Variants in EIF4A3 observed in about 807,000 individuals in gnomAD.
EIF4A3 encodes the protein eukaryotic initiation factor 4A-III.
In EIF4A3, 1 loss-of-function variant was observed where a neutral mutation model predicts 55.6. The observed-to-expected ratio is 0.02, with a 90% confidence interval of 0.01 to 0.09. The LOEUF (loss-of-function observed/expected upper bound fraction) is 0.09, where lower values mean the gene tolerates loss of function less well. Among genes scored for constraint, EIF4A3 ranks in the 10% least tolerant of loss-of-function variants. EIF4A3 has a pLI of 1.00. For synonymous variants in EIF4A3, 194 were observed against 196.3 expected (o/e 0.99, Z 0.10); for missense variants, 221 against 540.7 (o/e 0.41, Z 5.86).
intron 1 of EIF4A3, among the ~76,000 whole-genome samples, chr17:80,144,536 A>G (rs912542299): frequency 3.3e-5 from 5 of 152,106 alleles, no homozygotes; most frequent in Non-Finnish European, 5.9e-5. Context: ...CTGGGTGTGC[A>G]GCATCTGGAA....
chr17:80,143,798 G>A (rs2039637263), intron 2 of EIF4A3, among the ~76,000 whole-genome samples: 1 of 124,436 alleles, frequency 8.0e-6, no homozygotes, highest in East Asian at 2.6e-4. Context: ...GACCAACATG[G>A]TGAAACCCCC....
chr17:80,136,810 GAAA>G (rs3035988), intron 9 of EIF4A3: 4 of 132,632 alleles, frequency 3.0e-5, no homozygotes, highest in Non-Finnish European at 4.7e-5. Flanking sequence ...TACTAAAAAT[GAAA>G]AAAAAAAAAA....
In EIF4A3 at chr17:80,146,177, C is replaced by G. The variant is rs184275888; in HGVS notation, c.169+616G>C. ...GGGACTTCTTTCAGTTCCTGGAATG[C>G]AGCTGGCTAAGGGCTGCAAGGCCCT... On this transcript the variant is annotated intron_variant, in intron 1 of 11. Transcript: ENST00000649764. Among the ~76,000 whole-genome samples, 6 of 152,320 alleles carry G rather than the reference C, an allele frequency of 3.9e-5. No individual in the cohort carries two copies. In the East Asian group the frequency reaches 1.2e-3, roughly 29 times the overall value.
At chr17:80,145,177 TGTCAGCCTCACTGTGAGGCTGCCTGA>T (rs1166373543) in intron 1 of EIF4A3, among the ~76,000 whole-genome samples, 1 of 152,224 alleles carries the variant, frequency 6.6e-6, no homozygotes, top group Non-Finnish European at 1.5e-5. Flanking sequence ...CAGGTGGGGC[TGTCAGCCTCACTGTGAGGCTGCCTGA>T]GATGCTTTTT....
chr17:80,138,226 T>C lies in EIF4A3; in HGVS notation c.783A>G (p.Glu261=). Residue 261 remains glutamate, a synonymous_variant, in exon 8 of 12, where the codon GAA becomes GAG. Coordinates refer to ENST00000649764, the MANE Select transcript of EIF4A3 (RefSeq NM_014740.4). ...CACACAGAGTGTCAAATTTCCACTC[T>C]TCCCTCTCCACTGCCACGAAAAATT... ...IKQFFVAVER[E]EWKFDTLCDL... The C allele has an allele frequency of 6.2e-7, 1 of 1,614,100 alleles. No individual in the cohort carries two copies. Among genetic ancestry groups the C allele is most frequent in the Non-Finnish European group, 8.5e-7 (1 of 1,180,022 alleles).
In EIF4A3 at chr17:80,147,006, TCGCTGC is replaced by T. The variant is rs1399061283; in HGVS notation, c.-51_-46del. 7.0e-7 allele frequency: 1 copy of T among 1,420,146 alleles called. No homozygotes were observed. The highest frequency in any genetic ancestry group is 9.3e-7 in the Non-Finnish European group (1 of 1,075,372). The allele number at this position is 1,420,146 out of a possible 1,614,324, so 88.0% of individuals were successfully genotyped here. A position where few individuals can be genotyped will look rare whatever the true frequency, so the allele number is the denominator to read the frequency against. ...AGCACAGCGCGCGCCGCTGCCGACC[TCGCTGC>T]CGCTGCCGACCTCGCTGTGCCGCTG... On this transcript the variant is annotated 5_prime_UTR_variant, in exon 1 of 12. Coordinates refer to ENST00000649764, the MANE Select transcript of EIF4A3 (RefSeq NM_014740.4).
rs570258154 is a variant in EIF4A3 at position 80,138,986 on chromosome 17, A to G, written c.728+35T>C. On this transcript the variant is annotated intron_variant, in intron 7 of 11. Coordinates refer to ENST00000649764, the MANE Select transcript of EIF4A3 (RefSeq NM_014740.4). ...ATAAAATCCTTTATAAATGCGGCCC[A>G]GTGTTTTAGTAAACTTGACAAGAGG... The G allele has an allele frequency of 1.3e-5, 21 of 1,608,826 alleles. No individual in the cohort carries two copies. The East Asian group carries it at 4.5e-4, about 34-fold the overall frequency.
At chr17:80,141,987 G>A in intron 2 of EIF4A3, 139 bp from the exon 3 acceptor site, 3 of 611,206 alleles carry the variant, frequency 4.9e-6, no homozygotes, top group South Asian at 4.1e-5. Context: ...TAACTGCGAG[G>A]AGGCAGGACT....
chr17:80,144,893 C>T (rs1002246441), intron 1 of EIF4A3, among the ~76,000 whole-genome samples: 4 of 152,174 alleles, frequency 2.6e-5, no homozygotes, highest in Admixed American at 2.0e-4. Flanking sequence ...AAGGGTGAGG[C>T]TATTTTGAAG....
chr17:80,138,364 C>G (rs1194310234), intron 7 of EIF4A3, 84 bp from the exon 8 acceptor site: 1 of 1,554,996 alleles, frequency 6.4e-7, no homozygotes, highest in African/African-American at 1.4e-5. Flanking sequence ...CCAGGGAGAC[C>G]CTGGTGGAAA....
At chr17:80,143,238 C>G (rs1434460161) in intron 2 of EIF4A3, among the ~76,000 whole-genome samples, 1 of 152,060 alleles carries the variant, frequency 6.6e-6, no homozygotes, top group African/African-American at 2.4e-5. Flanking sequence ...ACCACCCGCC[C>G]CTTGGAGGCT....
chr17:80,143,219 C>T (rs1352618251), intron 2 of EIF4A3, among the ~76,000 whole-genome samples: 3 of 152,174 alleles, frequency 2.0e-5, no homozygotes, highest in South Asian at 2.1e-4. Flanking sequence ...AAGGAGGTTC[C>T]GGGAGGTGAC....
At chr17:80,138,095 A>G (rs749139245) in intron 8 of EIF4A3, 47 bp downstream of exon 8, 1 of 1,588,524 alleles carries the variant, frequency 6.3e-7, no homozygotes, top group Non-Finnish European at 8.6e-7. Context: ...CAGAGACTCA[A>G]TCTGCAGTTT....
intron 1 of EIF4A3, among the ~76,000 whole-genome samples, chr17:80,144,497 A>C (rs2039642817): frequency 6.7e-6 from 1 of 149,424 alleles, no homozygotes; most frequent in Non-Finnish European, 1.5e-5. Flanking sequence ...GAATATAGAC[A>C]ACAGTTTTGT....
In EIF4A3 at chr17:80,141,244, A is replaced by G. The variant is rs565148790; in HGVS notation, c.372+75T>C. On this transcript the variant is annotated intron_variant, in intron 4 of 11. Transcript: ENST00000649764. Reference sequence around the variant, plus strand: ...CAGAAAACAGGATTGGATTAAATAAATAAGTCGGTGTTTCACAACTAAATC... The same window carrying G: ...CAGAAAACAGGATTGGATTAAATAAGTAAGTCGGTGTTTCACAACTAAATC... 35 of 1,449,264 alleles carry G rather than the reference A, an allele frequency of 2.4e-5. No homozygotes were observed. The Admixed American group carries it at 4.7e-4, about 20-fold the overall frequency. The allele number at this position is 1,449,264 out of a possible 1,614,324, so 89.8% of individuals were successfully genotyped here.
Position 80,147,030 on chromosome 17 carries a change from TGCCGCTGCC to T in EIF4A3, c.-78_-70del. ...CTCGCTGCCGCTGCCGACCTCGCTG[TGCCGCTGCC>T]GACCTCGCTGCCGCTGCCGACCTCG... On this transcript the variant is annotated 5_prime_UTR_variant, in exon 1 of 12. Transcript: ENST00000649764. The T allele has an allele frequency of 7.7e-7, 1 of 1,293,572 alleles. No homozygotes were observed. Among genetic ancestry groups the T allele is most frequent in the South Asian group, 1.6e-5 (1 of 63,138 alleles). The allele number at this position is 1,293,572 out of a possible 1,614,324, so 80.1% of individuals were successfully genotyped here.
In EIF4A3 at chr17:80,146,667, C is replaced by G. The variant is rs1032108475; in HGVS notation, c.169+126G>C. The G allele has an allele frequency of 4.2e-6, 5 of 1,193,550 alleles. No homozygotes were observed. In the African/African-American group the frequency reaches 6.5e-5, roughly 15 times the overall value. The allele number at this position is 1,193,550 out of a possible 1,614,324, so 73.9% of individuals were successfully genotyped here. A position where few individuals can be genotyped will look rare whatever the true frequency, so the allele number is the denominator to read the frequency against. On this transcript the variant is annotated intron_variant, in intron 1 of 11. Transcript: ENST00000649764. Reference sequence around the variant, plus strand: ...GTGGGGGTCGGACGTCACTGGCCCCCGAGCCTCGACCCTGACCACGACCTC... The same window carrying G: ...GTGGGGGTCGGACGTCACTGGCCCCGGAGCCTCGACCCTGACCACGACCTC...
rs1201934112 is a variant in EIF4A3 at position 80,136,056 on chromosome 17, G to A, written c.1167C>T (p.Leu389=). 1.9e-6 allele frequency: 3 copies of A among 1,614,050 alleles called. No homozygotes were observed. The highest frequency in any genetic ancestry group is 3.3e-5 in the Admixed American group (2 of 60,004). ...NFVKNDDIRI[L]RDIEQYYSTQ... ...TGGAATAGTACTGCTCGATATCTCT[G>A]AGGATGCGGATGTCGTCATTCTTTA... is the stretch of plus-strand genomic sequence containing the variant. The change falls in exon 11 of 12, where the codon CTC becomes CTT. Residue 389 remains leucine (L), a synonymous_variant. Coordinates refer to ENST00000649764, the MANE Select transcript of EIF4A3 (RefSeq NM_014740.4).
chr17:80,142,373 ATC>A (rs1328379906), intron 2 of EIF4A3, among the ~76,000 whole-genome samples: 1 of 152,116 alleles, frequency 6.6e-6, no homozygotes, highest in African/African-American at 2.4e-5. Flanking sequence ...TCAGGAAACA[ATC>A]TCTCTGACCT....
Sources: gnomAD v4.1 joint callset for allele counts (sites outside exome capture counted in the v4.1 genomes callset) on GRCh38, gnomAD v4.1.1 for gene constraint, MANE v1.5 for transcripts, NCBI Gene and HGNC (gene_info 2026-07-23, HGNC 2026-07-21) for gene names.